Variants in CDH18 observed in about 807,000 individuals in gnomAD.
CDH18 encodes the protein cadherin-18.
In CDH18, 31 loss-of-function variants were observed where a neutral mutation model predicts 67.9. That is an observed-to-expected ratio of 0.46 (90% CI 0.34 to 0.62). The LOEUF is 0.62. Among genes scored for constraint, CDH18 ranks in the 20% least tolerant of loss-of-function variants. The pLI, the probability that CDH18 is intolerant of heterozygous loss-of-function variation, is 0.01. For synonymous variants in CDH18, 362 were observed against 347.2 expected (o/e 1.04, Z -0.48); for missense variants, 890 against 975.5 (o/e 0.91, Z 1.17).
At chr5:19,993,904 T>TACTAG (rs941738141) in intron 2 of CDH18, among the ~76,000 whole-genome samples, 1 of 152,192 alleles carries the variant, frequency 6.6e-6, no homozygotes, top group African/African-American at 2.4e-5. Flanking sequence ...TAGTTCCAGA[T>TACTAG]ACTGTGCCCT....
intron 2 of CDH18, among the ~76,000 whole-genome samples, chr5:20,044,759 T>G (rs1740764184): frequency 6.6e-6 from 1 of 152,194 alleles, no homozygotes; most frequent in Non-Finnish European, 1.5e-5. Context: ...CATCTGCTTC[T>G]AAACTCCATT....
At chr5:20,492,384 A>G (rs951268747) in intron 1 of CDH18, among the ~76,000 whole-genome samples, 2 of 152,160 alleles carry the variant, frequency 1.3e-5, no homozygotes, top group Non-Finnish European at 2.9e-5. Context: ...TATTTCTTTC[A>G]TTTAACAATT....
chr5:20,329,768 CAAAA>C (rs60246535), intron 1 of CDH18, among the ~76,000 whole-genome samples: 74 of 62,560 alleles, frequency 1.2e-3, no homozygotes, highest in African/African-American at 2.7e-3. Context: ...GAAACTCCAT[CAAAA>C]AAAAAAAAAA....
chr5:19,971,438 C>T (rs1798004343), intron 2 of CDH18, among the ~76,000 whole-genome samples: 1 of 151,910 alleles, frequency 6.6e-6, no homozygotes, highest in African/African-American at 2.4e-5. Flanking sequence ...ATTACCAGAG[C>T]TTCACATATT....
chr5:19,783,037 T>TC (rs1377925959), intron 3 of CDH18, among the ~76,000 whole-genome samples: 1 of 152,208 alleles, frequency 6.6e-6, no homozygotes, highest in African/African-American at 2.4e-5. Flanking sequence ...ATATGACATC[T>TC]GTTTCACAGA....
At chr5:19,892,662 G>T (rs2150087939) in intron 2 of CDH18, among the ~76,000 whole-genome samples, 1 of 152,044 alleles carries the variant, frequency 6.6e-6, no homozygotes, top group African/African-American at 2.4e-5. Context: ...GTGTTCTCTT[G>T]GATTGTTCAC....
chr5:20,210,034 ATAT>A (rs965541539), intron 2 of CDH18, among the ~76,000 whole-genome samples: 23 of 151,644 alleles, frequency 1.5e-4, no homozygotes, highest in African/African-American at 2.4e-4. Flanking sequence ...TCAATTTTAA[ATAT>A]TATTATGAAA....
intron 5 of CDH18, among the ~76,000 whole-genome samples, chr5:19,719,567 T>C (rs993179403): frequency 2.6e-5 from 4 of 151,972 alleles, no homozygotes; most frequent in Non-Finnish European, 5.9e-5. Context: ...CATAAATATG[T>C]ACATTTTTGT....
At chr5:19,573,223 T>A (rs1004742193) in intron 7 of CDH18, among the ~76,000 whole-genome samples, 2 of 152,256 alleles carry the variant, frequency 1.3e-5, no homozygotes. Context: ...TTATGACCTA[T>A]CACACTAGAA....
At position 19,771,914 on chromosome 5, in the gene CDH18, A is replaced by G. The variant is rs987091788; in HGVS notation, c.229-24678T>C. ...TTATAAAGTTTTCAAATGTCTCCACATTATATACTTATTAATGCAAAATGT... is the reference window on the plus strand; with the variant it reads ...TTATAAAGTTTTCAAATGTCTCCACGTTATATACTTATTAATGCAAAATGT... On this transcript the variant is annotated intron_variant, in intron 3 of 12. Transcript: ENST00000382275. 5.3e-5 allele frequency among the ~76,000 whole-genome samples: 8 copies of G among 152,180 alleles called. No homozygotes were observed. In the East Asian group the frequency reaches 1.5e-3, roughly 29 times the overall value.
intron 2 of CDH18, among the ~76,000 whole-genome samples, chr5:20,201,467 G>C (rs2126756064): frequency 6.6e-6 from 1 of 152,110 alleles, no homozygotes; most frequent in East Asian, 1.9e-4. Context: ...TATGAGCATG[G>C]GGTATTACTA....
chr5:20,198,048 G>A (rs549884085), intron 2 of CDH18, among the ~76,000 whole-genome samples: 62 of 152,100 alleles, frequency 4.1e-4, no homozygotes, highest in Non-Finnish European at 6.5e-4. Context: ...AGAGGTGCCT[G>A]CCACCCTGAT....
At chr5:19,692,282 T>C (rs980173362) in intron 5 of CDH18, among the ~76,000 whole-genome samples, 2 of 152,050 alleles carry the variant, frequency 1.3e-5, no homozygotes, top group East Asian at 3.9e-4. Flanking sequence ...AAAACTACTA[T>C]AATGAAACAT....
intron 1 of CDH18, among the ~76,000 whole-genome samples, chr5:20,557,790 T>C (rs138193508): frequency 0.011 from 1,665 of 151,810 alleles, 34 homozygotes; most frequent in African/African-American, 0.037. Context: ...AGACAAAGAG[T>C]TCAACTTGAT....
At chr5:20,180,668 C>T (rs1446152423) in intron 2 of CDH18, among the ~76,000 whole-genome samples, 1 of 152,122 alleles carries the variant, frequency 6.6e-6, no homozygotes, top group African/African-American at 2.4e-5. Context: ...TACCCCTGCC[C>T]TCACTAAACT....
chr5:20,206,498 C>G (rs1156310443), intron 2 of CDH18, among the ~76,000 whole-genome samples: 1 of 151,782 alleles, frequency 6.6e-6, no homozygotes, highest in Non-Finnish European at 1.5e-5. Flanking sequence ...TAGTATTAAC[C>G]TGACATCAAA....
chr5:19,999,629 T>C (rs1736287003), intron 2 of CDH18, among the ~76,000 whole-genome samples: 1 of 151,886 alleles, frequency 6.6e-6, no homozygotes, highest in African/African-American at 2.4e-5. Context: ...TTAGTAATAG[T>C]AATAATAATA....
chr5:20,327,566 G>A (rs1479009837), intron 1 of CDH18, among the ~76,000 whole-genome samples: 1 of 152,048 alleles, frequency 6.6e-6, no homozygotes, highest in African/African-American at 2.4e-5. Flanking sequence ...TGGCTCCTCA[G>A]ACACTCTTCC....
At chr5:19,762,994 A>G (rs984340384) in intron 3 of CDH18, among the ~76,000 whole-genome samples, 15 of 152,226 alleles carry the variant, frequency 9.9e-5, no homozygotes, top group Admixed American at 7.9e-4. Context: ...AAACTATTGC[A>G]AGAACAGAAA....
Sources: gnomAD v4.1 joint callset for allele counts (sites outside exome capture counted in the v4.1 genomes callset) on GRCh38, gnomAD v4.1.1 for gene constraint, MANE v1.5 for transcripts, NCBI Gene and HGNC (gene_info 2026-07-23, HGNC 2026-07-21) for gene names.